The following BCAR3 variants were observed in gnomAD, a reference collection of about 807,000 sequenced individuals.
BCAR3 encodes the protein breast cancer anti-estrogen resistance protein 3.
A neutral mutation model predicts 80.1 loss-of-function variants in BCAR3; 37 were observed. The observed-to-expected ratio is 0.46, with a 90% CI of 0.36 to 0.61. The LOEUF (loss-of-function observed/expected upper bound fraction) is 0.61. Among genes scored for constraint, BCAR3 ranks in the 20% least tolerant of loss-of-function variants. The pLI is 0.00. For synonymous variants in BCAR3, 389 were observed against 418.9 expected, an observed-to-expected ratio of 0.93 and a Z score of 0.87; for missense variants, 978 against 1,068.2, an observed-to-expected ratio of 0.92 and a Z score of 1.18.
Position 93,567,310 on chromosome 1 carries a change from GCTGT to G in BCAR3, c.2264_2267del (p.Asp755AlafsTer4). ...GGATCCTCTCAGCATTCATCCGGTA[GCTGT>G]CTGCAGCCTCGGCCATGAATCGCGC... On this transcript the variant is annotated frameshift_variant, in exon 11 of 12. Coordinates refer to ENST00000260502, the MANE Select transcript of BCAR3 (RefSeq NM_003567.4). LOFTEE classifies it high-confidence loss of function. 1.9e-6 allele frequency: 3 copies of G among 1,614,152 alleles called. No individual in the cohort carries two copies. The highest frequency in any genetic ancestry group is 1.7e-6 in the Non-Finnish European group (2 of 1,180,044).
chr1:93,605,760 C>T (rs548388285), intron 3 of BCAR3, among the ~76,000 whole-genome samples: 35 of 152,348 alleles, frequency 2.3e-4, no homozygotes, highest in African/African-American at 8.4e-4. Flanking sequence ...AATTCAAATA[C>T]TCTCATTTCC....
intron 2 of BCAR3, among the ~76,000 whole-genome samples, chr1:93,654,617 A>G (rs1284528951): frequency 6.6e-6 from 1 of 152,220 alleles, no homozygotes; most frequent in Non-Finnish European, 1.5e-5. Flanking sequence ...ACAGCAAAGA[A>G]AAATGAACAT....
In BCAR3 at chr1:93,582,293, G is replaced by A. The variant is rs377122936; in HGVS notation, c.1686+8C>T. The A allele has an allele frequency of 1.2e-6, 2 of 1,608,932 alleles. No individual in the cohort carries two copies. The highest frequency in any genetic ancestry group is 1.7e-4 in the Middle Eastern group (1 of 6,040). Reference sequence around the variant, plus strand: ...AGCCAGAGGAGCACCAGGACCCCCAGCGCTTACCCTGCAGTCCATGCTCAG... The same window carrying A: ...AGCCAGAGGAGCACCAGGACCCCCAACGCTTACCCTGCAGTCCATGCTCAG... On this transcript the variant is annotated splice_region_variant and intron_variant, in intron 7 of 11. Transcript: ENST00000260502.
intron 11 of BCAR3, 102 bp downstream of exon 11, chr1:93,567,177 C>A (rs1476841323): frequency 1.5e-6 from 2 of 1,378,180 alleles, no homozygotes; most frequent in African/African-American, 1.4e-5. Flanking sequence ...TTTAATCCTT[C>A]CTTTTTGGTC....
chr1:93,593,825 G>A (rs1448536150), intron 3 of BCAR3, among the ~76,000 whole-genome samples: 1 of 152,128 alleles, frequency 6.6e-6, no homozygotes. Flanking sequence ...CATAAGGAGC[G>A]CTAGCTGAAG....
chr1:93,565,568 T>C (rs1672909221), intron 11 of BCAR3, among the ~76,000 whole-genome samples: 1 of 152,244 alleles, frequency 6.6e-6, no homozygotes, highest in African/African-American at 2.4e-5. Flanking sequence ...GAGCAGCTTA[T>C]GGCACACTTT....
chr1:93,824,676 T>TCTGTTTC (rs150376916), intron 2 of BCAR3, among the ~76,000 whole-genome samples: 24,753 of 131,820 alleles, frequency 0.19, 6,480 homozygotes, highest in East Asian at 0.39. Flanking sequence ...TTCCTCCTAC[T>TCTGTTTC]CTGGCTTTAT....
At chr1:93,746,441 G>T (rs1418240202) in intron 2 of BCAR3, among the ~76,000 whole-genome samples, 1 of 152,126 alleles carries the variant, frequency 6.6e-6, no homozygotes, top group Non-Finnish European at 1.5e-5. Context: ...AATCCTTAAA[G>T]AAACAGAGCT....
intron 3 of BCAR3, among the ~76,000 whole-genome samples, chr1:93,631,665 C>T (rs888209240): frequency 1.3e-5 from 2 of 152,210 alleles, no homozygotes; most frequent in Admixed American, 6.5e-5. Flanking sequence ...GTCATCCCTA[C>T]AGTTCGGGAT....
At chr1:93,686,413 CA>C (rs1227900489), upstream of BCAR3, among the ~76,000 whole-genome samples, 1 of 150,624 alleles carries the variant, frequency 6.6e-6, no homozygotes, top group East Asian at 1.9e-4. Context: ...AGCCCCATTA[CA>C]AAAAAAAAGT....
At chr1:93,583,055 G>C in intron 6 of BCAR3, 102 bp from the exon 7 acceptor site, 1 of 1,319,260 alleles carries the variant, frequency 7.6e-7, no homozygotes, top group South Asian at 1.5e-5. Flanking sequence ...TCATGCCCTT[G>C]GGCTTCAATT....
chr1:93,642,407 T>C lies in BCAR3; in HGVS notation c.318-64A>G, dbSNP rs1426393388. 2.1e-6 allele frequency: 3 copies of C among 1,462,228 alleles called. No homozygotes were observed. In the African/African-American group the frequency reaches 4.2e-5, roughly 20 times the overall value. The allele number at this position is 1,462,228 out of a possible 1,614,324, so 90.6% of individuals were successfully genotyped here. Reference sequence around the variant, plus strand: ...CGATGCATTCTTACATTGAGTATAATGTGTCCAACATTATTTCACCCTATT... The same window carrying C: ...CGATGCATTCTTACATTGAGTATAACGTGTCCAACATTATTTCACCCTATT... On this transcript the variant is annotated intron_variant, in intron 2 of 11. Coordinates refer to ENST00000260502, the MANE Select transcript of BCAR3 (RefSeq NM_003567.4).
At chr1:93,733,438 G>T (rs1000458137) in intron 2 of BCAR3, among the ~76,000 whole-genome samples, 3 of 152,222 alleles carry the variant, frequency 2.0e-5, no homozygotes, top group Non-Finnish European at 2.9e-5. Flanking sequence ...CAGGAGGAGG[G>T]TTGCGCTGGG....
chr1:93,631,778 T>C (rs1243011524), intron 3 of BCAR3, among the ~76,000 whole-genome samples: 1 of 152,176 alleles, frequency 6.6e-6, no homozygotes, highest in Non-Finnish European at 1.5e-5. Flanking sequence ...AATCTGGTCT[T>C]ATTCCTCTCA....
rs965616097 is a variant in BCAR3, at chr1:93,562,397, C to G, written c.2322G>C (p.Met774Ile). ...GAAATTCAGTCTTGCAGATTTCATT[C>G]ATTTCTTCATCTGGTTGAAAACCTA... ...ILAGFQPDEE[M>I]NEICKTEFQM... Residue 774 changes from methionine to isoleucine, a missense_variant, in exon 12 of 12, where the codon ATG (methionine) becomes ATC (isoleucine). By Grantham distance (10) the Met-to-Ile change is conservative. Coordinates refer to ENST00000260502, the MANE Select transcript of BCAR3 (RefSeq NM_003567.4). 1.9e-6 allele frequency: 3 copies of G among 1,613,678 alleles called. No individual in the cohort carries two copies. Among genetic ancestry groups the G allele is most frequent in the African/African-American group, 2.7e-5 (2 of 74,916 alleles).
chr1:93,656,770 A>C (rs1647403406), intron 2 of BCAR3, among the ~76,000 whole-genome samples: 2 of 151,978 alleles, frequency 1.3e-5, no homozygotes, highest in Admixed American at 1.3e-4. Context: ...CACCCAGCTA[A>C]TTTTTTAATC....
intron 3 of BCAR3, among the ~76,000 whole-genome samples, chr1:93,616,219 T>A (rs151021537): frequency 6.6e-6 from 1 of 152,326 alleles, no homozygotes; most frequent in East Asian, 1.9e-4. Flanking sequence ...CGGGATTAAA[T>A]AATGACTAAT....
chr1:93,592,183 C>T lies in BCAR3; in HGVS notation c.486+82G>A, dbSNP rs1045810942. 1.3e-5 allele frequency: 20 copies of T among 1,571,696 alleles called. No individual in the cohort carries two copies. The highest frequency in any genetic ancestry group is 4.1e-5 in the African/African-American group (3 of 72,862). ...ACAGGTGCTTCCGCCCATGTGGCCT[C>T]GGAGTGGGACCCTGCGGGTCATCAA... On this transcript the variant is annotated intron_variant, in intron 4 of 11. Coordinates refer to ENST00000260502, the MANE Select transcript of BCAR3 (RefSeq NM_003567.4). The surrounding 1 kb of genome is among the most constrained non-coding windows in gnomAD (Gnocchi z 4.8).
intron 2 of BCAR3, chr1:93,753,915 C>T (rs933349260): frequency 3.3e-5 from 5 of 152,190 alleles, no homozygotes; most frequent in Admixed American, 2.0e-4. Flanking sequence ...TTCTGCACAC[C>T]TACAGCAGGC....
Sources: allele counts gnomAD v4.1 joint callset (sites outside exome capture counted in the v4.1 genomes callset), GRCh38; gene constraint gnomAD v4.1.1; non-coding constraint Gnocchi (gnomAD v3.1); transcripts MANE v1.5; gene names NCBI Gene and HGNC (gene_info 2026-07-23, HGNC 2026-07-21).